Variants in THSD1 observed in about 807,000 individuals in gnomAD.
THSD1 encodes the protein thrombospondin type-1 domain-containing protein 1.
THSD1 carries 34 observed loss-of-function variants against 46.3 expected under a neutral mutation model. The ratio of observed to expected loss-of-function variants is 0.74; its 90% CI spans 0.56 to 0.98. THSD1 has a LOEUF of 0.98. Among genes scored for constraint, THSD1 ranks in the 50% least tolerant of loss-of-function variants. The pLI is 0.00. For synonymous variants in THSD1, 407 were observed against 416.5 expected (o/e 0.98, Z 0.28); for missense variants, 1,023 against 1,058.3 (o/e 0.97, Z 0.46).
At chr13:52,397,119 G>C in intron 3 of THSD1, 113 bp downstream of exon 3, 1 of 937,994 alleles carries the variant, frequency 1.1e-6, no homozygotes, top group Non-Finnish European at 1.6e-6. Context: ...TACATTATAA[G>C]GCATGAACCA....
chr13:52,380,829 C>T (rs568045477), intron 4 of THSD1, among the ~76,000 whole-genome samples: 42 of 152,264 alleles, frequency 2.8e-4, no homozygotes, highest in Admixed American at 1.0e-3. Flanking sequence ...TAAAAAACTT[C>T]CATTCCTTTG....
intron 3 of THSD1, among the ~76,000 whole-genome samples, chr13:52,396,409 C>A (rs1283507964): frequency 2.0e-5 from 3 of 152,028 alleles, no homozygotes; most frequent in Non-Finnish European, 2.9e-5. Context: ...GTAGTCCCAG[C>A]TACTCAGAAG....
chr13:52,396,480 C>T (rs1181836034), intron 3 of THSD1, among the ~76,000 whole-genome samples: 1 of 152,096 alleles, frequency 6.6e-6, no homozygotes, highest in African/African-American at 2.4e-5. Context: ...CGAGATCGCG[C>T]CACTGCACTC....
rs142258031 is a variant in THSD1, at chr13:52,377,855, A to G, written c.2115T>C (p.Phe705=). 1.6e-4 allele frequency: 263 copies of G among 1,614,058 alleles called. No individual in the cohort carries two copies. Among genetic ancestry groups the G allele is most frequent in the Non-Finnish European group, 2.0e-4 (234 of 1,180,034 alleles). ...FRPQSRGAHL[F]PEKLEHFQEA... is the part of the protein sequence containing the mutation. ...CTTGGAAATGCTCCAGTTTTTCAGG[A>G]AACAGGTGGGCACCTCGACTCTGAG... Residue 705 remains phenylalanine, a synonymous_variant, in exon 5 of 5, where the codon TTT becomes TTC. Coordinates refer to ENST00000258613, the MANE Select transcript of THSD1 (RefSeq NM_018676.4).
At chr13:52,396,034 G>A (rs1957807775) in intron 3 of THSD1, among the ~76,000 whole-genome samples, 1 of 152,172 alleles carries the variant, frequency 6.6e-6, no homozygotes, top group Non-Finnish European at 1.5e-5. Context: ...TTGGCAGGAG[G>A]GTGGTTAAAG....
Position 52,402,574 on chromosome 13 carries a change from T to G in THSD1, c.27A>C (p.Ser9=), listed in dbSNP as rs1273085751. 6.2e-7 allele frequency: 1 copy of G among 1,614,050 alleles called. No individual in the cohort carries two copies. The highest frequency in any genetic ancestry group is 8.5e-7 in the Non-Finnish European group (1 of 1,179,952). MKPMLKDF[S]NLLLVVLCDY... ...CACAGAGTACCACCAACAATAGATT[T>G]GAAAAGTCTTTCAACATTGGTTTCA... is the stretch of plus-strand genomic sequence containing the variant. Residue 9 remains serine, a synonymous_variant, in exon 2 of 5, where the codon TCA becomes TCC. Coordinates refer to ENST00000258613, the MANE Select transcript of THSD1 (RefSeq NM_018676.4).
At chr13:52,381,928 A>G (rs1957696188) in intron 4 of THSD1, among the ~76,000 whole-genome samples, 2 of 152,176 alleles carry the variant, frequency 1.3e-5, no homozygotes, top group Admixed American at 1.3e-4. Context: ...CCAATTAAAC[A>G]GTTCCCACCA....
At chr13:52,396,946 A>G (rs1957816519) in intron 3 of THSD1, among the ~76,000 whole-genome samples, 1 of 152,230 alleles carries the variant, frequency 6.6e-6, no homozygotes, top group South Asian at 2.1e-4. Flanking sequence ...AATGCCAGGC[A>G]CTATCCTGAG....
At position 52,378,350 on chromosome 13, in the gene THSD1, C is replaced by T; in HGVS notation, c.1620G>A (p.Met540Ile). ...YRLAQQQLKE[M>I]KKKGLTETTK... ...TAGTTTCCGTCAGACCTTTCTTTTT[C>T]ATCTCCTTTAACTGCTGCTGGGCAA... The change falls in exon 5 of 5, where the codon ATG (methionine) becomes ATA (isoleucine). Residue 540 changes from methionine to isoleucine, a missense_variant. Physicochemically the swap from Met to Ile is conservative, Grantham distance 10. Around this residue, in one of 3 missense-constraint regions of THSD1, gnomAD observed 578 missense variants for 497.4 expected, o/e 1.16. Coordinates refer to ENST00000258613, the MANE Select transcript of THSD1 (RefSeq NM_018676.4). 1 of 1,614,168 alleles carries T rather than the reference C, an allele frequency of 6.2e-7. No homozygotes were observed.
chr13:52,388,769 C>A (rs2137733701), intron 3 of THSD1, among the ~76,000 whole-genome samples: 1 of 151,736 alleles, frequency 6.6e-6, no homozygotes, highest in Non-Finnish European at 1.5e-5. Context: ...GCATAAGCCA[C>A]CACAACTGGC....
chr13:52,392,870 A>G (rs1957783416), intron 3 of THSD1, among the ~76,000 whole-genome samples: 1 of 152,204 alleles, frequency 6.6e-6, no homozygotes, highest in African/African-American at 2.4e-5. Flanking sequence ...TTGCATAGAC[A>G]AGGCTTCCTT....
At chr13:52,384,890 T>C (rs1957719181) in intron 4 of THSD1, among the ~76,000 whole-genome samples, 1 of 149,660 alleles carries the variant, frequency 6.7e-6, no homozygotes, top group South Asian at 2.1e-4. Flanking sequence ...GTGGGGCCTA[T>C]GAAAGACAGG....
intron 1 of THSD1, chr13:52,402,928 C>T (rs1331643992): frequency 1.0e-6 from 1 of 985,242 alleles, no homozygotes; most frequent in Admixed American, 6.2e-5. Flanking sequence ...TTGCACAACA[C>T]CAAAGTCTCT....
At chr13:52,391,830 A>T (rs1157625405) in intron 3 of THSD1, among the ~76,000 whole-genome samples, 1 of 151,424 alleles carries the variant, frequency 6.6e-6, no homozygotes, top group Non-Finnish European at 1.5e-5. Flanking sequence ...GGCGTGAGCC[A>T]CCGCAGCCGG....
intron 1 of THSD1, among the ~76,000 whole-genome samples, chr13:52,405,351 C>T (rs906396293): frequency 3.3e-5 from 5 of 152,152 alleles, no homozygotes; most frequent in South Asian, 4.1e-4. Context: ...ACCAATGATT[C>T]GTGAAAGAAT....
chr13:52,403,904 T>C (rs1403135024), intron 1 of THSD1, among the ~76,000 whole-genome samples: 1 of 151,904 alleles, frequency 6.6e-6, no homozygotes, highest in East Asian at 1.9e-4. Context: ...AAATATGTAC[T>C]TTCTTAATGT....
intron 3 of THSD1, among the ~76,000 whole-genome samples, chr13:52,392,578 C>CA (rs1957781711): frequency 6.6e-6 from 1 of 152,234 alleles, no homozygotes; most frequent in South Asian, 2.1e-4. Flanking sequence ...CACTACATAA[C>CA]AAACCTGTTT....
At chr13:52,394,143 C>G (rs1433801408) in intron 3 of THSD1, among the ~76,000 whole-genome samples, 1 of 152,146 alleles carries the variant, frequency 6.6e-6, no homozygotes, top group East Asian at 1.9e-4. Flanking sequence ...AAACTCCAGC[C>G]TTTAGACATG....
In THSD1 at chr13:52,397,707, T is replaced by C. The variant is rs1957822442; in HGVS notation, c.546A>G (p.Ser182=). The change falls in exon 3 of 5, where the codon TCA becomes TCG. Residue 182 remains serine (S), a synonymous_variant. Transcript: ENST00000258613. The part of the protein sequence containing the change: ...TNSLPEARRN[S]RQPLEIRTSK... ...TGGTTCTTATTTCCAGCGGCTGTCT[T>C]GAATTTCTTCTTGCCTCAGGAAGAC... 6.2e-7 allele frequency: 1 copy of C among 1,614,090 alleles called. No individual in the cohort carries two copies. Among genetic ancestry groups the C allele is most frequent in the Non-Finnish European group, 8.5e-7 (1 of 1,180,050 alleles).
Sources: gnomAD v4.1 joint callset for allele counts (sites outside exome capture counted in the v4.1 genomes callset) on GRCh38, gnomAD v4.1.1 for gene constraint, gnomAD v4.1.1 regional missense constraint, MANE v1.5 for transcripts, NCBI Gene and HGNC (gene_info 2026-07-23, HGNC 2026-07-21) for gene names.